Variants in HTT observed in about 807,000 individuals in gnomAD.
The protein encoded by HTT is huntington disease protein.
In HTT, 104 loss-of-function variants were observed where a neutral mutation model predicts 362.3. That is an observed-to-expected ratio of 0.29 (90% CI 0.24 to 0.34). The LOEUF is 0.34. Among genes scored for constraint, HTT ranks in the 10% least tolerant of loss-of-function variants. The probability of loss-of-function intolerance (pLI) is 1.00; values close to 1 mark genes in which losing one functional copy is unlikely to be tolerated. For missense variants in HTT, 3,301 were observed against 3,928.6 expected, an observed-to-expected ratio of 0.84 and a Z score of 4.27; for synonymous variants, 1,577 against 1,548.7, an observed-to-expected ratio of 1.02 and a Z score of -0.43.
In HTT at chr4:3,129,913, G is replaced by C. The variant is rs1426267549; in HGVS notation, c.1744-11G>C. On this transcript the variant is annotated splice_polypyrimidine_tract_variant and intron_variant, in intron 12 of 66. Coordinates refer to ENST00000355072, the MANE Select transcript of HTT (RefSeq NM_001388492.1). ...CTTCAAAATTCTCACAGCCCCCCTTGAACCGTTTAGGTGTTAGACGGTACC... is the reference window on the plus strand; with the variant it reads ...CTTCAAAATTCTCACAGCCCCCCTTCAACCGTTTAGGTGTTAGACGGTACC... The C allele has an allele frequency of 6.2e-7, 1 of 1,613,926 alleles. No individual in the cohort carries two copies.
In HTT at chr4:3,174,767, C is replaced by A; in HGVS notation, c.4213C>A (p.Leu1405Ile). 6.2e-7 allele frequency: 1 copy of A among 1,614,160 alleles called. No individual in the cohort carries two copies. Among genetic ancestry groups the A allele is most frequent in the Non-Finnish European group, 8.5e-7 (1 of 1,180,022 alleles). Residue 1405 changes from leucine to isoleucine, a missense_variant, in exon 32 of 67, where the codon CTC becomes ATC. This residue lies in a region of HTT where 2,316 missense variants were observed against 2,658.5 expected (regional missense o/e 0.87). Coordinates refer to ENST00000355072, the MANE Select transcript of HTT (RefSeq NM_001388492.1). ...QKVSTQLKTN[L>I]TSVTKNRADK... Reference sequence around the variant, plus strand: ...AGTGTCTACCCAGTTGAAGACAAACCTCACGAGTGTCACAAAGAACCGTGC... The same window carrying A: ...AGTGTCTACCCAGTTGAAGACAAACATCACGAGTGTCACAAAGAACCGTGC...
At chr4:3,102,799 G>A (rs538859420) in intron 3 of HTT, among the ~76,000 whole-genome samples, 10 of 152,246 alleles carry the variant, frequency 6.6e-5, no homozygotes, top group African/African-American at 2.4e-4. Context: ...AGCTTGAGAA[G>A]CCCTTCTCTA....
rs1269076417 is a variant in HTT at position 3,172,303 on chromosome 4, C to T, written c.3865-17C>T. ...GTCATCTCTGAGTCGCTTAATGTCT[C>T]ACTTGTCTTTCTACAGTGTGTTGAA... On this transcript the variant is annotated splice_polypyrimidine_tract_variant and intron_variant, in intron 29 of 66. Coordinates refer to ENST00000355072, the MANE Select transcript of HTT (RefSeq NM_001388492.1). 4 of 1,495,432 alleles carry T rather than the reference C, an allele frequency of 2.7e-6. No individual in the cohort carries two copies. The highest frequency in any genetic ancestry group is 1.1e-5 in the South Asian group (1 of 88,760). The allele number at this position is 1,495,432 out of a possible 1,614,324, so 92.6% of individuals were successfully genotyped here.
At chr4:3,186,452 C>A in intron 37 of HTT, 145 bp from the exon 38 acceptor site, 3 of 813,764 alleles carry the variant, frequency 3.7e-6, no homozygotes, top group South Asian at 1.7e-5. Context: ...GCTTGGTTCA[C>A]CACTGAACTT....
Position 3,240,066 on chromosome 4 carries a change from T to A in HTT, c.*7T>A. On this transcript the variant is annotated 3_prime_UTR_variant, in exon 67 of 67. Transcript: ENST00000355072. ...CAAGGTCACCACCTGCTGAGCGCCA[T>A]GGTGGGAGAGACTGTGAGGCGGCAG... 6.3e-7 allele frequency: 1 copy of A among 1,576,018 alleles called. No homozygotes were observed. Among genetic ancestry groups the A allele is most frequent in the Non-Finnish European group, 8.6e-7 (1 of 1,158,888 alleles).
intron 28 of HTT, among the ~76,000 whole-genome samples, chr4:3,159,348 C>G (rs553178346): frequency 3.2e-4 from 48 of 152,352 alleles, no homozygotes; most frequent in African/African-American, 1.1e-3. Flanking sequence ...GAATTCCATG[C>G]CTTCTTTTCC....
Position 3,228,867 on chromosome 4 carries a change from G to T in HTT, c.7980-13G>T, listed in dbSNP as rs1169029021. On this transcript the variant is annotated splice_polypyrimidine_tract_variant and intron_variant, in intron 58 of 66. Transcript: ENST00000355072. The surrounding 1 kb of genome is among the most constrained non-coding windows in gnomAD (Gnocchi z 4.3). ...CATGTACTTGGAAAATACCCATCTC[G>T]CATATTCCACAGGAAACACCGGGCT... 2.5e-6 allele frequency: 4 copies of T among 1,608,958 alleles called. No individual in the cohort carries two copies. The highest frequency in any genetic ancestry group is 1.6e-4 in the Middle Eastern group (1 of 6,070).
At chr4:3,109,161 G>A (rs1024878754) in intron 6 of HTT, among the ~76,000 whole-genome samples, 4 of 151,688 alleles carry the variant, frequency 2.6e-5, no homozygotes, top group Admixed American at 2.6e-4. Context: ...CTTAATCCTT[G>A]TGTCTCACAG....
In HTT at chr4:3,182,347, C is replaced by CA; in HGVS notation, c.4750-7_4750-6insA. 1 of 1,593,332 alleles carries CA rather than the reference C, an allele frequency of 6.3e-7. No homozygotes were observed. The highest frequency in any genetic ancestry group is 8.6e-7 in the Non-Finnish European group (1 of 1,161,220). ...AGCAGACTTTCTAATTGTGCACGCT[C>CA]TTATAGGTGTTGGAGATGTTCATTC... is the stretch of plus-strand genomic sequence containing the variant. On this transcript the variant is annotated splice_polypyrimidine_tract_variant and splice_region_variant and intron_variant, in intron 36 of 66. Coordinates refer to ENST00000355072, the MANE Select transcript of HTT (RefSeq NM_001388492.1).
At chr4:3,171,472 C>A (rs114358832) in intron 29 of HTT, among the ~76,000 whole-genome samples, 2 of 133,004 alleles carry the variant, frequency 1.5e-5, no homozygotes, top group Non-Finnish European at 1.6e-5. Context: ...TTTCTTGATT[C>A]TTTTTTTTTT....
intron 66 of HTT, among the ~76,000 whole-genome samples, 173 bp downstream of exon 66, chr4:3,239,151 T>C (rs923174658): frequency 6.6e-6 from 1 of 152,164 alleles, no homozygotes; most frequent in Non-Finnish European, 1.5e-5. Context: ...AAGGAGCACG[T>C]CCAGACATTT....
chr4:3,175,665 C>T (rs903874977), intron 33 of HTT, among the ~76,000 whole-genome samples: 3 of 152,186 alleles, frequency 2.0e-5, no homozygotes, highest in South Asian at 2.1e-4. Flanking sequence ...TACCTTCCTC[C>T]TATAGTTGCT....
At chr4:3,140,233 C>T (rs185761130) in intron 21 of HTT, among the ~76,000 whole-genome samples, 170 of 150,524 alleles carry the variant, frequency 1.1e-3, no homozygotes, top group African/African-American at 3.9e-3. Context: ...TGTACTCCGG[C>T]CTGGGCCACA....
chr4:3,086,516 A>C (rs1290749874), intron 1 of HTT, among the ~76,000 whole-genome samples: 1 of 152,122 alleles, frequency 6.6e-6, no homozygotes, highest in African/African-American at 2.4e-5. Flanking sequence ...AAATATTTTG[A>C]AAAAATTAGC....
intron 61 of HTT, 46 bp from the exon 62 acceptor site, chr4:3,235,238 C>G: frequency 7.6e-7 from 1 of 1,323,212 alleles, no homozygotes; most frequent in Non-Finnish European, 1.1e-6. Flanking sequence ...GCCCTCTCCA[C>G]GTTGGATGGG....
At chr4:3,125,080 A>G (rs1466490318) in intron 10 of HTT, among the ~76,000 whole-genome samples, 3 of 152,208 alleles carry the variant, frequency 2.0e-5, no homozygotes, top group African/African-American at 7.2e-5. Context: ...TGTTAATCAT[A>G]AAGTCTAGAA....
At chr4:3,110,869 C>A (rs1460581562) in intron 6 of HTT, among the ~76,000 whole-genome samples, 1 of 152,134 alleles carries the variant, frequency 6.6e-6, no homozygotes, top group African/African-American at 2.4e-5. Flanking sequence ...GAAGTTCTTG[C>A]CTTTTATTTT....
intron 53 of HTT, 122 bp downstream of exon 53, chr4:3,220,430 A>G (rs1720619296): frequency 9.8e-7 from 1 of 1,021,454 alleles, no homozygotes; most frequent in Non-Finnish European, 1.5e-6. Flanking sequence ...TGATAATAAT[A>G]CAAACCTATG....
At chr4:3,099,767 A>G (rs1280451125) in intron 3 of HTT, among the ~76,000 whole-genome samples, 1 of 149,614 alleles carries the variant, frequency 6.7e-6, no homozygotes, top group Non-Finnish European at 1.5e-5. Context: ...GTGCTCTTGT[A>G]TGGTTTGGAG....
Sources: allele counts gnomAD v4.1 joint callset (sites outside exome capture counted in the v4.1 genomes callset), GRCh38; gene constraint gnomAD v4.1.1; regional missense constraint gnomAD v4.1.1; non-coding constraint Gnocchi (gnomAD v3.1); transcripts MANE v1.5; gene names NCBI Gene and HGNC (gene_info 2026-07-23, HGNC 2026-07-21).